Variants in EPC2 observed in about 807,000 individuals in gnomAD.
EPC2 encodes the protein enhancer of polycomb homolog 2.
Under a neutral mutation model 92.1 loss-of-function variants are expected in EPC2, and 14 were observed. The ratio of observed to expected loss-of-function variants is 0.15; its 90% CI spans 0.10 to 0.24. The LOEUF is 0.24. EPC2 is among the 10% of genes least tolerant of loss of function. The probability of loss-of-function intolerance (pLI) is 1.00; values close to 1 mark genes in which losing one functional copy is unlikely to be tolerated. For synonymous variants in EPC2, 340 were observed against 334.7 expected (o/e 1.02, Z -0.17); for missense variants, 755 against 971.5 (o/e 0.78, Z 2.96).
At chr2:148,732,913 T>C (rs1682667588) in intron 2 of EPC2, among the ~76,000 whole-genome samples, 1 of 149,866 alleles carries the variant, frequency 6.7e-6, no homozygotes, top group African/African-American at 2.4e-5. Flanking sequence ...AATCAAATTA[T>C]AATGGTCAAT....
chr2:148,764,578 G>T (rs183322693), intron 6 of EPC2, among the ~76,000 whole-genome samples: 8 of 152,232 alleles, frequency 5.3e-5, no homozygotes, highest in Non-Finnish European at 1.2e-4. Context: ...GTAAACTCAT[G>T]ATCCAGTTGA....
intron 2 of EPC2, among the ~76,000 whole-genome samples, chr2:148,699,819 G>C (rs1033547398): frequency 3.3e-5 from 5 of 152,190 alleles, no homozygotes; most frequent in African/African-American, 1.2e-4. Context: ...GCATGCCAAA[G>C]TGGCTGTACC....
At chr2:148,664,784 G>A (rs1681026388) in intron 1 of EPC2, among the ~76,000 whole-genome samples, 3 of 152,064 alleles carry the variant, frequency 2.0e-5, no homozygotes, top group Admixed American at 1.3e-4. Flanking sequence ...GCATACTTTT[G>A]TTTTAGATTA....
At chr2:148,648,479 T>C (rs1430782852) in intron 1 of EPC2, among the ~76,000 whole-genome samples, 1 of 152,242 alleles carries the variant, frequency 6.6e-6, no homozygotes, top group Non-Finnish European at 1.5e-5. Flanking sequence ...CCTTAACTCC[T>C]TATTTTTATA....
chr2:148,689,940 A>G (rs1462466945), intron 1 of EPC2, among the ~76,000 whole-genome samples: 2 of 152,090 alleles, frequency 1.3e-5, no homozygotes, highest in Non-Finnish European at 2.9e-5. Flanking sequence ...ATTTTTTGTA[A>G]TTGAAATTTT....
chr2:148,681,718 C>G (rs10928409), intron 1 of EPC2, among the ~76,000 whole-genome samples: 111,205 of 150,524 alleles, frequency 0.74, 41,794 homozygotes, highest in Non-Finnish European at 0.79. Flanking sequence ...TTGTTTGTTT[C>G]TTTCTTTCTT....
At position 148,787,402 on chromosome 2, in the gene EPC2, T is replaced by C. The variant is rs938553784; in HGVS notation, c.*1025T>C. 5.2e-5 allele frequency: 8 copies of C among 152,628 alleles called. No individual in the cohort carries two copies. Among genetic ancestry groups the C allele is most frequent in the African/African-American group, 1.9e-4 (8 of 41,448 alleles). 9.5% of individuals were successfully genotyped at this position (152,628 alleles called of 1,614,324 possible). A position where few individuals can be genotyped will look rare whatever the true frequency, so the allele number is the denominator to read the frequency against. ...AGTCTGACTGTAAGCGTTGGACACCTTCATAGTGTAGTGTTTTAGTGACTT... is the reference window on the plus strand; with the variant it reads ...AGTCTGACTGTAAGCGTTGGACACCCTCATAGTGTAGTGTTTTAGTGACTT... On this transcript the variant is annotated 3_prime_UTR_variant, in exon 14 of 14. Coordinates refer to ENST00000258484, the MANE Select transcript of EPC2 (RefSeq NM_015630.4).
chr2:148,700,559 A>T (rs1350170753), intron 2 of EPC2, among the ~76,000 whole-genome samples: 1 of 124,696 alleles, frequency 8.0e-6, no homozygotes, highest in Non-Finnish European at 1.6e-5. Context: ...ATTTGTATGG[A>T]TCTGTATCTG....
chr2:148,763,008 T>TA (rs1318434496), intron 6 of EPC2, among the ~76,000 whole-genome samples: 4 of 152,136 alleles, frequency 2.6e-5, no homozygotes, highest in East Asian at 3.8e-4. Flanking sequence ...AGATAGTTGT[T>TA]GCATCTGTGT....
At chr2:148,658,603 G>GTC in intron 1 of EPC2, among the ~76,000 whole-genome samples, 2 of 18,184 alleles carry the variant, frequency 1.1e-4, no homozygotes, top group Middle Eastern at 0.033. Flanking sequence ...CTGTGTGTGT[G>GTC]TGTGTATATA....
At chr2:148,753,764 A>T (rs1218214875) in intron 3 of EPC2, 163 bp from the exon 4 acceptor site, 2 of 587,864 alleles carry the variant, frequency 3.4e-6, no homozygotes, top group Admixed American at 6.2e-5. Flanking sequence ...TCTCCTAATT[A>T]ATGATTCCTT....
chr2:148,676,520 GA>G (rs1421464013), intron 1 of EPC2, among the ~76,000 whole-genome samples: 1 of 151,830 alleles, frequency 6.6e-6, no homozygotes, highest in Non-Finnish European at 1.5e-5. Flanking sequence ...AGGGCACACA[GA>G]AAAAAATAAC....
chr2:148,765,231 T>G, intron 7 of EPC2, 85 bp downstream of exon 7: 1 of 1,007,548 alleles, frequency 9.9e-7, no homozygotes. Context: ...TCTTAGAGTT[T>G]TTATTCTTGC....
In EPC2 at chr2:148,690,285, T is replaced by C. The variant is rs1185939840; in HGVS notation, c.225T>C (p.Pro75=). 1 of 1,613,020 alleles carries C rather than the reference T, an allele frequency of 6.2e-7. No homozygotes were observed. Among genetic ancestry groups the C allele is most frequent in the East Asian group, 2.2e-5 (1 of 44,810 alleles). ...AAAAAAAAGAGAGTATGGTCATTCC[T>C]GTTCCTGAGGCAGAGAGCAACGTCA... ...FREKKESMVI[P]VPEAESNVNY... The change falls in exon 2 of 14, where the codon CCT becomes CCC. Residue 75 remains proline, a synonymous_variant. Coordinates refer to ENST00000258484, the MANE Select transcript of EPC2 (RefSeq NM_015630.4).
chr2:148,769,344 A>C (rs1574632955), intron 8 of EPC2, 104 bp downstream of exon 8: 1 of 778,714 alleles, frequency 1.3e-6, no homozygotes, highest in Non-Finnish European at 2.2e-6. Context: ...ATGCATCAGT[A>C]CTTTTTATTT....
chr2:148,762,042 G>A, intron 5 of EPC2, 112 bp downstream of exon 5: 2 of 790,272 alleles, frequency 2.5e-6, no homozygotes, highest in Non-Finnish European at 3.8e-6. Flanking sequence ...AGTTGATATT[G>A]ATTCTGTAAG....
At chr2:148,649,403 G>A (rs919212295) in intron 1 of EPC2, among the ~76,000 whole-genome samples, 4 of 152,102 alleles carry the variant, frequency 2.6e-5, no homozygotes, top group African/African-American at 4.8e-5. Context: ...TGTAGATTAG[G>A]TTGCCTTTTC....
intron 2 of EPC2, among the ~76,000 whole-genome samples, chr2:148,722,233 C>T: frequency 6.6e-6 from 1 of 152,120 alleles, no homozygotes; most frequent in East Asian, 1.9e-4. Flanking sequence ...GGACTGTGAA[C>T]TTCACCAGTG....
intron 10 of EPC2, among the ~76,000 whole-genome samples, chr2:148,775,252 T>G (rs1445736438): frequency 6.6e-6 from 1 of 152,148 alleles, no homozygotes; most frequent in Non-Finnish European, 1.5e-5. Flanking sequence ...TGTTAAATGT[T>G]TAAAAGTTGC....
Sources: gnomAD v4.1 joint callset for allele counts (sites outside exome capture counted in the v4.1 genomes callset) on GRCh38, gnomAD v4.1.1 for gene constraint, MANE v1.5 for transcripts, NCBI Gene and HGNC (gene_info 2026-07-23, HGNC 2026-07-21) for gene names.